ZBTB43: variants seen among roughly 807,000 people sequenced by gnomAD.
ZBTB43 encodes the protein zinc finger and BTB domain-containing protein 43.
Under a neutral mutation model 31.1 loss-of-function variants are expected in ZBTB43, and 6 were observed. The observed-to-expected ratio is 0.19, with a 90% CI of 0.11 to 0.38. The LOEUF (loss-of-function observed/expected upper bound fraction) is 0.38. ZBTB43 is among the 10% of genes least tolerant of loss of function. The pLI is 1.00. For missense variants in ZBTB43, 379 were observed against 602.1 expected, an observed-to-expected ratio of 0.63 and a Z score of 3.88; for synonymous variants, 212 against 221.7, an observed-to-expected ratio of 0.96 and a Z score of 0.39.
intron 2 of ZBTB43, among the ~76,000 whole-genome samples, chr9:126,819,668 G>A (rs921606001): frequency 2.6e-5 from 4 of 151,924 alleles, no homozygotes; most frequent in African/African-American, 9.7e-5. Flanking sequence ...CAATGGCCTG[G>A]TGTTTAAGTG....
chr9:126,833,680 A>G lies in ZBTB43; in HGVS notation c.1171A>G (p.Met391Val). The G allele has an allele frequency of 6.2e-7, 1 of 1,609,024 alleles. No individual in the cohort carries two copies. Among genetic ancestry groups the G allele is most frequent in the African/African-American group, 1.3e-5 (1 of 74,956 alleles). Residue 391 changes from methionine to valine, a missense_variant, in exon 3 of 3, where the codon ATG (methionine) becomes GTG (valine). By Grantham distance (21) the Met-to-Val change is conservative (BLOSUM62 1). Around this residue, in one of 5 missense-constraint regions of ZBTB43, gnomAD observed 23 missense variants for 105.1 expected, o/e 0.22. Transcript: ENST00000373464. This position sits in a 1 kb window ranked among gnomAD's most constrained non-coding sequence, Gnocchi z 7.9. ...FTHKSQRDRHMSMHLGLRPYG... is the reference protein window; with the variant it reads ...FTHKSQRDRHVSMHLGLRPYG... ...TCACAAGAGTCAGAGAGATCGGCAC[A>G]TGAGCATGCACCTCGGTCTTCGGCC...
At chr9:126,828,351 T>A (rs1463071712) in intron 2 of ZBTB43, among the ~76,000 whole-genome samples, 7 of 151,724 alleles carry the variant, frequency 4.6e-5, no homozygotes, top group Admixed American at 6.6e-5. Context: ...GCCTGGCTAA[T>A]TTTTTGTAGT....
intron 2 of ZBTB43, among the ~76,000 whole-genome samples, chr9:126,817,552 T>C (rs1409079851): frequency 2.6e-5 from 4 of 151,220 alleles, no homozygotes; most frequent in Non-Finnish European, 4.4e-5. Flanking sequence ...TGCGGCTCCC[T>C]GCAAGCTCCG....
intron 2 of ZBTB43, among the ~76,000 whole-genome samples, chr9:126,810,751 C>G (rs1473793723): frequency 6.6e-6 from 1 of 151,014 alleles, no homozygotes; most frequent in Non-Finnish European, 1.5e-5. Flanking sequence ...GATCCGCCCG[C>G]CTCGGCCTCC....
Position 126,834,029 on chromosome 9 carries a change from AGG to A in ZBTB43, c.*117_*118del. 2 of 1,158,138 alleles carry A rather than the reference AGG, an allele frequency of 1.7e-6. No homozygotes were observed. The highest frequency in any genetic ancestry group is 2.4e-6 in the Non-Finnish European group (2 of 843,960). 71.7% of individuals were successfully genotyped at this position (1,158,138 alleles called of 1,614,324 possible). On this transcript the variant is annotated 3_prime_UTR_variant, in exon 3 of 3. Coordinates refer to ENST00000373464, the MANE Select transcript of ZBTB43 (RefSeq NM_014007.4). Reference sequence around the variant, plus strand: ...TTATGAGAGAAGCTTAAAAAAAAAAAGGAAGATATTTCTGAAAGACCAGCTCT... The same window carrying A: ...TTATGAGAGAAGCTTAAAAAAAAAAAAAGATATTTCTGAAAGACCAGCTCT...
intron 2 of ZBTB43, chr9:126,831,515 T>G (rs2032762344): frequency 6.6e-6 from 1 of 151,068 alleles, no homozygotes; most frequent in Admixed American, 6.6e-5. Context: ...TAAAAAAAAA[T>G]TCTGCCAGGA....
intron 2 of ZBTB43, among the ~76,000 whole-genome samples, chr9:126,828,649 A>AT (rs1345731701): frequency 0.022 from 3,060 of 141,718 alleles, 70 homozygotes; most frequent in African/African-American, 0.05. Flanking sequence ...AATAATAATA[A>AT]TAATAATTAT....
At chr9:126,810,681 TTTTAGTAGAGAAG>T (rs2032227943) in intron 2 of ZBTB43, among the ~76,000 whole-genome samples, 1 of 151,062 alleles carries the variant, frequency 6.6e-6, no homozygotes, top group Admixed American at 6.6e-5. Flanking sequence ...TTTTTTGTAC[TTTTAGTAGAGAAG>T]GGGTTTCACC....
At chr9:126,830,530 C>T (rs1240670427) in intron 2 of ZBTB43, among the ~76,000 whole-genome samples, 1 of 152,132 alleles carries the variant, frequency 6.6e-6, no homozygotes, top group African/African-American at 2.4e-5. Context: ...TGCCTGAAGT[C>T]CCAGCTACTC....
rs562329463 is a variant in ZBTB43 at position 126,823,959 on chromosome 9, T to G, written c.-23-8528T>G. ...ATGTGTATTAACATAAATTTATAAT[T>G]GTTTTATGCATTCATTAGCCTTTTA... On this transcript the variant is annotated intron_variant, in intron 2 of 2. Coordinates refer to ENST00000373464, the MANE Select transcript of ZBTB43 (RefSeq NM_014007.4). 2.0e-5 allele frequency among the ~76,000 whole-genome samples: 3 copies of G among 152,340 alleles called. No homozygotes were observed. In the East Asian group the frequency reaches 5.8e-4, roughly 29 times the overall value.
rs1420987534 is a variant in ZBTB43, at chr9:126,836,900, T to C, written c.*2987T>C. On this transcript the variant is annotated 3_prime_UTR_variant, in exon 3 of 3. Transcript: ENST00000373464. ...GGGTGGATCACCTGAGGTCAGGAGT[T>C]TGTGACCAGCCTGACCAACATAGTG... The C allele has an allele frequency of 6.5e-6, 1 of 153,762 alleles. No homozygotes were observed. Among genetic ancestry groups the C allele is most frequent in the East Asian group, 1.9e-4 (1 of 5,170 alleles). 9.5% of individuals were successfully genotyped at this position (153,762 alleles called of 1,614,324 possible).
chr9:126,819,451 G>C (rs138549878), intron 2 of ZBTB43, among the ~76,000 whole-genome samples: 1 of 152,052 alleles, frequency 6.6e-6, no homozygotes, highest in East Asian at 1.9e-4. Context: ...CTGTTATGGT[G>C]ATCTTTGATC....
intron 2 of ZBTB43, among the ~76,000 whole-genome samples, chr9:126,818,374 TCCTCC>T (rs1416503557): frequency 6.6e-6 from 1 of 151,866 alleles, no homozygotes; most frequent in East Asian, 1.9e-4. Flanking sequence ...CCTCAAGTGA[TCCTCC>T]CAAGTAGCTG....
chr9:126,817,707 A>T (rs1401179611), intron 2 of ZBTB43, among the ~76,000 whole-genome samples: 1 of 147,510 alleles, frequency 6.8e-6, no homozygotes, highest in Non-Finnish European at 1.5e-5. Context: ...CGATCTCCTG[A>T]TCTCGTGATC....
In ZBTB43 at chr9:126,834,573, C is replaced by T. The variant is rs2032841046; in HGVS notation, c.*660C>T. ...AGTTTCTGTAAGATGCCACTACTGTCACAAGGTGTTTCAGACTCTTGATAA... is the reference window on the plus strand; with the variant it reads ...AGTTTCTGTAAGATGCCACTACTGTTACAAGGTGTTTCAGACTCTTGATAA... On this transcript the variant is annotated 3_prime_UTR_variant, in exon 3 of 3. Transcript: ENST00000373464. 1 of 167,036 alleles carries T rather than the reference C, an allele frequency of 6.0e-6. No individual in the cohort carries two copies. Among genetic ancestry groups the T allele is most frequent in the Non-Finnish European group, 1.5e-5 (1 of 68,130 alleles). The allele number at this position is 167,036 out of a possible 1,614,324, so 10.3% of individuals were successfully genotyped here.
chr9:126,818,586 G>A (rs971906713), intron 2 of ZBTB43, among the ~76,000 whole-genome samples: 1 of 152,156 alleles, frequency 6.6e-6, no homozygotes, highest in Admixed American at 6.6e-5. Flanking sequence ...AATTTTGTCA[G>A]ATGCTTTTTC....
intron 2 of ZBTB43, among the ~76,000 whole-genome samples, chr9:126,826,101 C>A (rs577754252): frequency 6.6e-6 from 1 of 151,058 alleles, no homozygotes; most frequent in Non-Finnish European, 1.5e-5. Context: ...GCAACCTCCA[C>A]CTCCCGGGTT....
chr9:126,831,346 C>A (rs918756971), intron 2 of ZBTB43: 1 of 152,236 alleles, frequency 6.6e-6, no homozygotes, highest in Non-Finnish European at 1.5e-5. Context: ...CTTAAAAGTT[C>A]TGTCATTTTG....
At chr9:126,814,204 TCA>T (rs1021426544) in intron 2 of ZBTB43, among the ~76,000 whole-genome samples, 4 of 122,772 alleles carry the variant, frequency 3.3e-5, no homozygotes, top group African/African-American at 1.3e-4. Context: ...ACATAAAAGT[TCA>T]CAGAGTAAAC....
Sources: gnomAD v4.1 joint callset for allele counts (sites outside exome capture counted in the v4.1 genomes callset) on GRCh38, gnomAD v4.1.1 for gene constraint, gnomAD v4.1.1 regional missense constraint, Gnocchi (gnomAD v3.1) non-coding constraint, MANE v1.5 for transcripts, NCBI Gene and HGNC (gene_info 2026-07-23, HGNC 2026-07-21) for gene names.